The following CDH18 variants were observed in gnomAD, a reference collection of about 807,000 sequenced individuals.
The protein encoded by CDH18 is cadherin-18.
A neutral mutation model predicts 67.9 loss-of-function variants in CDH18; 31 were observed. The observed-to-expected ratio is 0.46, with a 90% confidence interval of 0.34 to 0.62. The LOEUF (loss-of-function observed/expected upper bound fraction) is 0.62, where lower values mean the gene tolerates loss of function less well. CDH18 is among the 20% of genes least tolerant of loss of function. The pLI is 0.01. For synonymous variants in CDH18, 362 were observed against 347.2 expected (o/e 1.04, Z -0.48); for missense variants, 890 against 975.5 (o/e 0.91, Z 1.17).
At chr5:19,686,923 G>T (rs551752792) in intron 5 of CDH18, among the ~76,000 whole-genome samples, 2 of 152,240 alleles carry the variant, frequency 1.3e-5, no homozygotes, top group South Asian at 4.1e-4. Flanking sequence ...TTTCAAAATG[G>T]CTGACTAAGA....
intron 4 of CDH18, among the ~76,000 whole-genome samples, chr5:19,723,155 G>C (rs1766332379): frequency 6.6e-6 from 1 of 152,068 alleles, no homozygotes; most frequent in African/African-American, 2.4e-5. Context: ...TGTAATCCCA[G>C]CTACTTGGGA....
intron 5 of CDH18, among the ~76,000 whole-genome samples, chr5:19,711,985 G>T (rs1383089361): frequency 6.6e-6 from 1 of 152,156 alleles, no homozygotes; most frequent in East Asian, 1.9e-4. Flanking sequence ...CAATTAAAAA[G>T]AATGAAATCA....
chr5:20,009,121 G>T (rs1580015565), intron 2 of CDH18, among the ~76,000 whole-genome samples: 2 of 152,030 alleles, frequency 1.3e-5, no homozygotes, highest in Non-Finnish European at 2.9e-5. Context: ...AAATTTCTGG[G>T]TATACAGGAC....
chr5:20,207,689 A>G (rs1439532886), intron 2 of CDH18, among the ~76,000 whole-genome samples: 1 of 152,110 alleles, frequency 6.6e-6, no homozygotes, highest in Non-Finnish European at 1.5e-5. Flanking sequence ...GGTCCCTCCC[A>G]CAACATGTGA....
chr5:19,812,414 T>C (rs1048271757), intron 3 of CDH18, among the ~76,000 whole-genome samples: 2 of 152,116 alleles, frequency 1.3e-5, no homozygotes, highest in Non-Finnish European at 2.9e-5. Flanking sequence ...AAACAAAATA[T>C]GTAACTGAAA....
intron 3 of CDH18, among the ~76,000 whole-genome samples, chr5:19,812,133 T>C (rs1778800664): frequency 6.6e-6 from 1 of 152,162 alleles, no homozygotes. Context: ...CCTAAGGTTT[T>C]TGTATTGTTT....
At chr5:20,125,373 G>A (rs180828408) in intron 2 of CDH18, among the ~76,000 whole-genome samples, 3 of 151,958 alleles carry the variant, frequency 2.0e-5, no homozygotes, top group Non-Finnish European at 4.4e-5. Flanking sequence ...AGTTGACTAG[G>A]TGATTTGGTA....
chr5:20,035,661 G>A (rs114968643), intron 2 of CDH18, among the ~76,000 whole-genome samples: 1 of 151,894 alleles, frequency 6.6e-6, no homozygotes, highest in East Asian at 1.9e-4. Flanking sequence ...CCTCCCACTG[G>A]GTCCATCCCT....
chr5:19,656,423 G>C (rs1268088444), intron 5 of CDH18, among the ~76,000 whole-genome samples: 2 of 151,924 alleles, frequency 1.3e-5, no homozygotes, highest in African/African-American at 4.8e-5. Context: ...ACTACCATAG[G>C]TGGATTATGC....
At chr5:20,411,349 A>G (rs1746755539) in intron 1 of CDH18, among the ~76,000 whole-genome samples, 1 of 152,072 alleles carries the variant, frequency 6.6e-6, no homozygotes, top group Admixed American at 6.6e-5. Flanking sequence ...ACAATAGGGA[A>G]AAGAGTATCT....
chr5:19,633,589 T>C lies in CDH18; in HGVS notation c.644-20988A>G, dbSNP rs151226095. Among the ~76,000 whole-genome samples the C allele has an allele frequency of 5.4e-3, 819 of 152,248 alleles. 13 individuals carry two copies. The highest frequency in any genetic ancestry group is 0.019 in the African/African-American group (783 of 41,552). On this transcript the variant is annotated intron_variant, in intron 5 of 12. Transcript: ENST00000382275. ...GGAAGTGTCTCTCCTACTTCATGTT[T>C]AAATTACTTTTCTGGCTACCGAAAC...
At chr5:19,682,110 C>T (rs1156598181) in intron 5 of CDH18, among the ~76,000 whole-genome samples, 1 of 151,940 alleles carries the variant, frequency 6.6e-6, no homozygotes, top group African/African-American at 2.4e-5. Context: ...TTTATTTAAG[C>T]CTTTATTTAT....
chr5:19,829,625 C>A (rs183504359), intron 3 of CDH18, among the ~76,000 whole-genome samples: 2 of 152,088 alleles, frequency 1.3e-5, no homozygotes, highest in Non-Finnish European at 2.9e-5. Context: ...ATTGTTAAAA[C>A]GGCCATACTG....
intron 2 of CDH18, among the ~76,000 whole-genome samples, chr5:19,977,400 G>A (rs985288536): frequency 2.0e-5 from 3 of 152,124 alleles, no homozygotes; most frequent in African/African-American, 7.2e-5. Context: ...TTATTTGAAT[G>A]AGGCACTCTG....
chr5:20,077,642 C>T (rs559634315), intron 2 of CDH18, among the ~76,000 whole-genome samples: 1 of 152,200 alleles, frequency 6.6e-6, no homozygotes, highest in African/African-American at 2.4e-5. Flanking sequence ...GTTTTTAAAA[C>T]TTCAGAAGAA....
intron 1 of CDH18, among the ~76,000 whole-genome samples, chr5:20,329,614 C>T (rs981343799): frequency 2.3e-4 from 35 of 151,434 alleles, no homozygotes; most frequent in African/African-American, 8.2e-4. Context: ...AACACACACA[C>T]ACAAAATTAG....
chr5:20,310,264 C>G (rs924903910), intron 1 of CDH18, among the ~76,000 whole-genome samples: 1 of 152,056 alleles, frequency 6.6e-6, no homozygotes, highest in Admixed American at 6.5e-5. Flanking sequence ...GGTCAGAAAA[C>G]TTCAATCTTA....
chr5:19,949,745 C>T (rs1289665145), intron 2 of CDH18, among the ~76,000 whole-genome samples: 1 of 152,026 alleles, frequency 6.6e-6, no homozygotes, highest in African/African-American at 2.4e-5. Context: ...TGGCCTACCA[C>T]CTGCTTCAAA....
At chr5:19,525,708 T>C (rs2126940785) in intron 9 of CDH18, among the ~76,000 whole-genome samples, 1 of 152,300 alleles carries the variant, frequency 6.6e-6, no homozygotes, top group Middle Eastern at 3.4e-3. Context: ...TCTGGTATTT[T>C]ATGATATGAG....
Sources: allele counts gnomAD v4.1 joint callset (sites outside exome capture counted in the v4.1 genomes callset), GRCh38; gene constraint gnomAD v4.1.1; transcripts MANE v1.5; gene names NCBI Gene and HGNC (gene_info 2026-07-23, HGNC 2026-07-21).